FLRT2: variants seen among roughly 807,000 people sequenced by gnomAD.
FLRT2 encodes leucine-rich repeat transmembrane protein FLRT2.
FLRT2 carries 15 observed loss-of-function variants against 40.0 expected under a neutral mutation model. The observed-to-expected ratio is 0.38, with a 90% CI of 0.25 to 0.58. The LOEUF (loss-of-function observed/expected upper bound fraction) is 0.58. Among genes scored for constraint, FLRT2 ranks in the 20% least tolerant of loss-of-function variants. The pLI is 0.71. For missense variants in FLRT2, 726 were observed against 840.0 expected (o/e 0.86, Z 1.68); for synonymous variants, 380 against 336.8 (o/e 1.13, Z -1.41).
Position 85,621,812 on chromosome 14 carries a change from C to A in FLRT2, c.298C>A (p.Leu100Met). The A allele has an allele frequency of 6.2e-7, 1 of 1,614,202 alleles. No homozygotes were observed. The highest frequency in any genetic ancestry group is 8.5e-7 in the Non-Finnish European group (1 of 1,180,036). The change falls in exon 2 of 2, where the codon CTG (leucine) becomes ATG (methionine). Residue 100 changes from leucine to methionine, a missense_variant. By Grantham distance (15) the Leu-to-Met change is conservative. Transcript: ENST00000330753. The part of the protein sequence containing the change: ...VHTVYLYGNQ[L>M]DEFPMNLPKN... Reference sequence around the variant, plus strand: ...CACGGTCTACCTGTATGGCAACCAACTGGACGAATTCCCCATGAACCTTCC... The same window carrying A: ...CACGGTCTACCTGTATGGCAACCAAATGGACGAATTCCCCATGAACCTTCC...
chr14:85,535,119 G>A (rs921089322), intron 1 of FLRT2, among the ~76,000 whole-genome samples: 2 of 152,216 alleles, frequency 1.3e-5, no homozygotes, highest in African/African-American at 4.8e-5. Flanking sequence ...GCTATGCAAA[G>A]CCTCTTCTAA....
At chr14:85,579,914 A>G (rs56343639) in intron 1 of FLRT2, among the ~76,000 whole-genome samples, 26,960 of 143,596 alleles carry the variant, frequency 0.19, 2,902 homozygotes, top group South Asian at 0.3. Flanking sequence ...TTCCATGCAC[A>G]GGGTATTAGA....
Position 85,645,432 on chromosome 14 carries a change from C to G in FLRT2, c.*21935C>G, listed in dbSNP as rs1489525761. ...ACTTAATTGGCACTTTTTCTTCAAC[C>G]CATACCTGCTTCTCAGAGAAACTAT... On this transcript the variant is annotated 3_prime_UTR_variant, in exon 2 of 2. Transcript: ENST00000330753. 6.6e-6 allele frequency: 1 copy of G among 152,002 alleles called. No individual in the cohort carries two copies. Among genetic ancestry groups the G allele is most frequent in the Admixed American group, 6.6e-5 (1 of 15,256 alleles). 9.4% of individuals were successfully genotyped at this position (152,002 alleles called of 1,614,324 possible).
chr14:85,556,841 G>A lies in FLRT2; in HGVS notation c.-377+26307G>A, dbSNP rs550261660. On this transcript the variant is annotated intron_variant, in intron 1 of 1. Transcript: ENST00000330753. ...TGTGATATTAGTCTGTTTTCACGCC[G>A]CTAATAAAGACATACCCAAGACTGG... Among the ~76,000 whole-genome samples the A allele has an allele frequency of 9.2e-5, 14 of 152,242 alleles. No homozygotes were observed. In the South Asian group the frequency reaches 2.5e-3, roughly 27 times the overall value.
Position 85,635,318 on chromosome 14 carries a change from A to C in FLRT2, c.*11821A>C, listed in dbSNP as rs533252161. On this transcript the variant is annotated 3_prime_UTR_variant, in exon 2 of 2. Coordinates refer to ENST00000330753, the MANE Select transcript of FLRT2 (RefSeq NM_013231.6). ...ACTTCAGTGGTTGGCATATATTCAA[A>C]CCCATTATGGCTGAAAAATTACAAA... The C allele has an allele frequency of 6.6e-6, 1 of 152,228 alleles. No homozygotes were observed. Among genetic ancestry groups the C allele is most frequent in the African/African-American group, 2.4e-5 (1 of 41,554 alleles). 9.4% of individuals were successfully genotyped at this position (152,228 alleles called of 1,614,324 possible).
chr14:85,541,119 C>T (rs143779486), intron 1 of FLRT2, among the ~76,000 whole-genome samples: 5,449 of 152,162 alleles, frequency 0.036, 145 homozygotes, highest in Middle Eastern at 0.061. Flanking sequence ...TGGTGATTTT[C>T]TTTTTCCAAA....
At chr14:85,594,693 A>C (rs553221228) in intron 1 of FLRT2, among the ~76,000 whole-genome samples, 4 of 152,266 alleles carry the variant, frequency 2.6e-5, no homozygotes, top group African/African-American at 9.6e-5. Flanking sequence ...CAATTTTCCT[A>C]TAATCCTCAT....
chr14:85,636,451 CAG>C lies in FLRT2; in HGVS notation c.*12956_*12957del, dbSNP rs1404356409. The C allele has an allele frequency of 7.4e-6, 1 of 134,768 alleles. No individual in the cohort carries two copies. Among genetic ancestry groups the C allele is most frequent in the Non-Finnish European group, 1.6e-5 (1 of 64,070 alleles). 8.3% of individuals were successfully genotyped at this position (134,768 alleles called of 1,614,324 possible). ...AATCTTAACTAATTTTCTTTAGTGACAGAAATTCAAACTTCGAGACATGTTTG... is the reference window on the plus strand; with the variant it reads ...AATCTTAACTAATTTTCTTTAGTGACAAATTCAAACTTCGAGACATGTTTG... On this transcript the variant is annotated 3_prime_UTR_variant, in exon 2 of 2. Coordinates refer to ENST00000330753, the MANE Select transcript of FLRT2 (RefSeq NM_013231.6).
In FLRT2 at chr14:85,645,230, GTA is replaced by G. The variant is rs1176713771; in HGVS notation, c.*21738_*21739del. The G allele has an allele frequency of 6.7e-6, 1 of 148,578 alleles. No individual in the cohort carries two copies. Among genetic ancestry groups the G allele is most frequent in the Admixed American group, 6.7e-5 (1 of 14,968 alleles). The allele number at this position is 148,578 out of a possible 1,614,324, so 9.2% of individuals were successfully genotyped here. A position where few individuals can be genotyped will look rare whatever the true frequency, so the allele number is the denominator to read the frequency against. ...TATATATGTACACATGTGTATATAT[GTA>G]TATACATATATGTATACATGTGTAT... is the stretch of plus-strand genomic sequence containing the variant. On this transcript the variant is annotated 3_prime_UTR_variant, in exon 2 of 2. Transcript: ENST00000330753.
intron 1 of FLRT2, chr14:85,561,026 G>C (rs966636747): frequency 6.6e-6 from 1 of 152,110 alleles, no homozygotes; most frequent in African/African-American, 2.4e-5. Context: ...ATTTTACCTT[G>C]TTAACGGCTC....
intron 1 of FLRT2, among the ~76,000 whole-genome samples, chr14:85,591,608 T>A (rs2139317150): frequency 6.6e-6 from 1 of 152,278 alleles, no homozygotes; most frequent in South Asian, 2.1e-4. Context: ...CTTGAGGAAG[T>A]TACAGAGCAG....
At chr14:85,574,340 T>A (rs763592563) in intron 1 of FLRT2, among the ~76,000 whole-genome samples, 1 of 152,018 alleles carries the variant, frequency 6.6e-6, no homozygotes, top group Non-Finnish European at 1.5e-5. Flanking sequence ...TTTCTGATAA[T>A]GCATATTCTT....
At chr14:85,592,690 G>T (rs1328769929) in intron 1 of FLRT2, among the ~76,000 whole-genome samples, 1 of 151,224 alleles carries the variant, frequency 6.6e-6, no homozygotes, top group Non-Finnish European at 1.5e-5. Context: ...TCAGGAGGCT[G>T]AGGCAGGAGA....
At chr14:85,599,747 C>T (rs1892303536) in intron 1 of FLRT2, among the ~76,000 whole-genome samples, 1 of 151,900 alleles carries the variant, frequency 6.6e-6, no homozygotes, top group Admixed American at 6.6e-5. Context: ...TTTCTTTCTT[C>T]CCTTTATCAG....
intron 1 of FLRT2, among the ~76,000 whole-genome samples, chr14:85,567,030 G>T (rs75371143): frequency 0.022 from 3,279 of 152,244 alleles, 123 homozygotes; most frequent in African/African-American, 0.074. Context: ...AAAGTTGGGG[G>T]AAGGACACAT....
chr14:85,538,756 A>G (rs1888816181), intron 1 of FLRT2, among the ~76,000 whole-genome samples: 1 of 152,154 alleles, frequency 6.6e-6, no homozygotes, highest in Admixed American at 6.5e-5. Flanking sequence ...AAATTGGTTC[A>G]CAAATATACT....
At position 85,640,180 on chromosome 14, in the gene FLRT2, C is replaced by T. The variant is rs1894119694; in HGVS notation, c.*16683C>T. The T allele has an allele frequency of 6.6e-6, 1 of 152,176 alleles. No individual in the cohort carries two copies. Among genetic ancestry groups the T allele is most frequent in the Non-Finnish European group, 1.5e-5 (1 of 68,054 alleles). 9.4% of individuals were successfully genotyped at this position (152,176 alleles called of 1,614,324 possible). ...AGAAATTCTTAACAGTTATTGTTAT[C>T]TAACTACTTGACTAGTGTAGATTCT... On this transcript the variant is annotated 3_prime_UTR_variant, in exon 2 of 2. Transcript: ENST00000330753.
At position 85,639,624 on chromosome 14, in the gene FLRT2, G is replaced by C. The variant is rs1022036258; in HGVS notation, c.*16127G>C. 2.3e-4 allele frequency: 35 copies of C among 152,058 alleles called. No homozygotes were observed. The highest frequency in any genetic ancestry group is 8.0e-4 in the African/African-American group (33 of 41,400). The allele number at this position is 152,058 out of a possible 1,614,324, so 9.4% of individuals were successfully genotyped here. On this transcript the variant is annotated 3_prime_UTR_variant, in exon 2 of 2. Transcript: ENST00000330753. ...TCTCTCATGAGTTTGGCTAAAATTA[G>C]AGTGTGTGTTAGTAGAATTTATATT...
chr14:85,648,878 T>A lies in FLRT2; in HGVS notation c.*25381T>A, dbSNP rs533432907. 5 of 152,302 alleles carry A rather than the reference T, an allele frequency of 3.3e-5. No homozygotes were observed. The highest frequency in any genetic ancestry group is 2.0e-4 in the Admixed American group (3 of 15,272). The allele number at this position is 152,302 out of a possible 1,614,324, so 9.4% of individuals were successfully genotyped here. On this transcript the variant is annotated 3_prime_UTR_variant, in exon 2 of 2. Transcript: ENST00000330753. The stretch of plus-strand genomic sequence containing the variant: ...TTTGATAAGGACTTAACACAATGCT[T>A]GGCACATAAGAGGAATTAAATAACA...
Sources: allele counts gnomAD v4.1 joint callset (sites outside exome capture counted in the v4.1 genomes callset), GRCh38; gene constraint gnomAD v4.1.1; transcripts MANE v1.5; gene names NCBI Gene and HGNC (gene_info 2026-07-23, HGNC 2026-07-21).